THOC1: variants seen among roughly 807,000 people sequenced by gnomAD.
The protein encoded by THOC1 is THO complex subunit 1, also known as THO complex 1.
In THOC1, 29 loss-of-function variants were observed where a neutral mutation model predicts 97.3. The observed-to-expected ratio is 0.30, with a 90% CI of 0.22 to 0.41. The LOEUF (loss-of-function observed/expected upper bound fraction) is 0.41, where lower values mean the gene tolerates loss of function less well. Ranked by LOEUF, THOC1 falls within the 10% of genes least tolerant of loss-of-function variation. The probability of loss-of-function intolerance (pLI) is 1.00; values close to 1 mark genes in which losing one functional copy is unlikely to be tolerated. For synonymous variants in THOC1, 255 were observed against 257.0 expected (o/e 0.99, Z 0.07); for missense variants, 529 against 761.9 (o/e 0.69, Z 3.60).
intron 12 of THOC1, chr18:225,629 A>G (rs1911254294): frequency 3.9e-6 from 2 of 512,932 alleles, no homozygotes; most frequent in African/African-American, 1.9e-5. Context: ...GGAATAAAAC[A>G]TTCAATTAAT....
chr18:221,758 G>A (rs1041426443), intron 17 of THOC1, among the ~76,000 whole-genome samples: 13 of 151,988 alleles, frequency 8.6e-5, no homozygotes, highest in African/African-American at 2.4e-4. Context: ...ACAGGCGCCT[G>A]CCACCACACT....
intron 20 of THOC1, 143 bp from the exon 21 acceptor site, chr18:215,064 G>A: frequency 2.7e-6 from 2 of 738,594 alleles, no homozygotes; most frequent in Admixed American, 2.9e-5. Flanking sequence ...TTCTCCGTAA[G>A]TTGAATACCA....
rs545785623 is a variant in THOC1, at chr18:240,552, T to TTTGGCTA, written c.918+5765_918+5771dup. On this transcript the variant is annotated intron_variant, in intron 11 of 20. Coordinates refer to ENST00000261600, the MANE Select transcript of THOC1 (RefSeq NM_005131.3). ...CAATTTTACAATCATATGAAAAGGT[T>TTTGGCTA]TTGGCTATAGTATTTACCTTTACAG... 4.5e-3 allele frequency among the ~76,000 whole-genome samples: 688 copies of TTTGGCTA among 152,284 alleles called. 5 individuals are homozygous for TTTGGCTA. The highest frequency in any genetic ancestry group is 7.6e-3 in the Non-Finnish European group (514 of 68,016).
At position 225,074 on chromosome 18, in the gene THOC1, A is replaced by T; in HGVS notation, c.1137+15T>A. ...TTCGTGCTAAGAAGAGGATGTAAGC[A>T]TAAAAAACACATACCTCTACCATCT... On this transcript the variant is annotated intron_variant, in intron 14 of 20. Transcript: ENST00000261600. 1 of 1,571,780 alleles carries T rather than the reference A, an allele frequency of 6.4e-7. No homozygotes were observed. Among genetic ancestry groups the T allele is most frequent in the Non-Finnish European group, 8.6e-7 (1 of 1,156,352 alleles).
intron 4 of THOC1, among the ~76,000 whole-genome samples, chr18:262,900 TA>T (rs1159272759): frequency 1.1e-4 from 17 of 152,334 alleles, no homozygotes; most frequent in African/African-American, 4.1e-4. Context: ...AGAATGCTGA[TA>T]AACTAATTTT....
intron 4 of THOC1, chr18:260,745 T>C (rs1435751068): frequency 6.6e-6 from 1 of 152,464 alleles, no homozygotes; most frequent in African/African-American, 2.4e-5. Flanking sequence ...ACAGTCTGTT[T>C]TCTTCACCAC....
chr18:257,833 C>T (rs902269267), intron 7 of THOC1, among the ~76,000 whole-genome samples: 1 of 151,306 alleles, frequency 6.6e-6, no homozygotes, highest in Non-Finnish European at 1.5e-5. Flanking sequence ...TAGAGAGAGA[C>T]AAACAGATGA....
chr18:236,512 A>G (rs1391465017), intron 11 of THOC1, among the ~76,000 whole-genome samples: 13 of 138,360 alleles, frequency 9.4e-5, no homozygotes, highest in Admixed American at 9.2e-4. Context: ...GCCCGCTACC[A>G]CGCCCGGCTA....
intron 17 of THOC1, among the ~76,000 whole-genome samples, chr18:219,861 T>C (rs1241669039): frequency 6.6e-6 from 1 of 152,194 alleles, no homozygotes; most frequent in African/African-American, 2.4e-5. Context: ...CATAATACGA[T>C]TTCAAGGGTT....
intron 8 of THOC1, 111 bp from the exon 9 acceptor site, chr18:252,723 AAGT>A: frequency 1.2e-6 from 1 of 829,624 alleles, no homozygotes; most frequent in Non-Finnish European, 2.0e-6. Context: ...ACAGTTAGAG[AAGT>A]CTAGTCACTA....
chr18:221,689 A>G lies in THOC1; in HGVS notation c.1370+1751T>C, dbSNP rs12960058. Among the ~76,000 whole-genome samples the G allele has an allele frequency of 1.3e-4, 20 of 150,040 alleles. No homozygotes were observed. The South Asian group carries it at 3.6e-3, about 27-fold the overall frequency. On this transcript the variant is annotated intron_variant, in intron 17 of 20. Transcript: ENST00000261600. The stretch of plus-strand genomic sequence containing the variant: ...AGTGGTGCGATCTCGACTCACTGCA[A>G]GCTCCGCCTCCCAGGTTCACGCCAT...
chr18:218,681 G>A (rs887311119), intron 18 of THOC1, among the ~76,000 whole-genome samples: 4 of 152,040 alleles, frequency 2.6e-5, no homozygotes, highest in Admixed American at 1.3e-4. Context: ...TGAAACAAGG[G>A]TGATTCCAAG....
chr18:245,094 T>TAATTAGGTGAATTAGATGAATA (rs1912045337), intron 11 of THOC1: 2 of 152,196 alleles, frequency 1.3e-5, no homozygotes, highest in Admixed American at 1.3e-4. Flanking sequence ...ATGGATGTTA[T>TAATTAGGTGAATTAGATGAATA]CTCATCGATT....
At chr18:258,963 T>C (rs1912518694) in intron 7 of THOC1, among the ~76,000 whole-genome samples, 1 of 152,152 alleles carries the variant, frequency 6.6e-6, no homozygotes, top group South Asian at 2.1e-4. Flanking sequence ...ATTAATAAGC[T>C]TTGAACTTAA....
intron 11 of THOC1, among the ~76,000 whole-genome samples, chr18:233,399 C>G (rs1402632138): frequency 6.6e-6 from 1 of 152,076 alleles, no homozygotes; most frequent in African/African-American, 2.4e-5. Context: ...CCAGCCTGAC[C>G]AATATGGAGA....
At chr18:217,272 A>G (rs1272677831) in intron 18 of THOC1, among the ~76,000 whole-genome samples, 1 of 152,218 alleles carries the variant, frequency 6.6e-6, no homozygotes, top group Admixed American at 6.5e-5. Context: ...AAAACTACCC[A>G]TAGACACTGG....
chr18:214,590 C>G lies in THOC1; in HGVS notation c.*36G>C. The G allele has an allele frequency of 6.5e-7, 1 of 1,543,084 alleles. No individual in the cohort carries two copies. On this transcript the variant is annotated 3_prime_UTR_variant, in exon 21 of 21. Coordinates refer to ENST00000261600, the MANE Select transcript of THOC1 (RefSeq NM_005131.3). Reference sequence around the variant, plus strand: ...ATCAAATGCTGCTTGGTAACAAAATCTATCACAGTTTTAATAAAAAGAAAA... The same window carrying G: ...ATCAAATGCTGCTTGGTAACAAAATGTATCACAGTTTTAATAAAAAGAAAA...
chr18:243,569 G>C (rs1320850298), intron 11 of THOC1, among the ~76,000 whole-genome samples: 9 of 151,752 alleles, frequency 5.9e-5, no homozygotes, highest in Non-Finnish European at 1.3e-4. Context: ...TATCAATTAA[G>C]ACATCCAGAG....
chr18:223,811 T>C (rs1185983922), intron 16 of THOC1, among the ~76,000 whole-genome samples: 2 of 152,154 alleles, frequency 1.3e-5, no homozygotes, highest in African/African-American at 4.8e-5. Context: ...TATGGTACCT[T>C]GCAACAACTG....
Sources: gnomAD v4.1 joint callset for allele counts (sites outside exome capture counted in the v4.1 genomes callset) on GRCh38, gnomAD v4.1.1 for gene constraint, MANE v1.5 for transcripts, NCBI Gene and HGNC (gene_info 2026-07-23, HGNC 2026-07-21) for gene names.